Variants in API5 observed in about 807,000 individuals in gnomAD.
The protein encoded by API5 is apoptosis inhibitor 5, also known as FIF.
In API5, 6 loss-of-function variants were observed where a neutral mutation model predicts 71.9. That is an observed-to-expected ratio of 0.08 (90% CI 0.05 to 0.16). The LOEUF is 0.16. Ranked by LOEUF, API5 falls within the 10% of genes least tolerant of loss-of-function variation. The pLI is 1.00. For synonymous variants in API5, 189 were observed against 221.3 expected, an observed-to-expected ratio of 0.85 and a Z score of 1.30; for missense variants, 332 against 612.8, an observed-to-expected ratio of 0.54 and a Z score of 4.84.
At chr11:43,340,509 A>T (rs1230533998) in intron 13 of API5, among the ~76,000 whole-genome samples, 3 of 152,228 alleles carry the variant, frequency 2.0e-5, no homozygotes, top group Non-Finnish European at 4.4e-5. Flanking sequence ...AGCTGGAGTT[A>T]TCACACTACC....
At chr11:43,318,500 C>G in intron 1 of API5, 140 bp from the exon 2 acceptor site, 1 of 1,539,280 alleles carries the variant, frequency 6.5e-7, no homozygotes, top group South Asian at 1.2e-5. Context: ...TCAGTTTGAG[C>G]AGTAAACCTC....
intron 11 of API5, among the ~76,000 whole-genome samples, chr11:43,331,610 C>T (rs540193406): frequency 6.6e-6 from 1 of 152,108 alleles, no homozygotes; most frequent in Non-Finnish European, 1.5e-5. Flanking sequence ...TCAGGGGTAG[C>T]AGGCAAAAGA....
intron 13 of API5, 59 bp downstream of exon 13, chr11:43,336,053 C>T (rs770424840): frequency 6.8e-5 from 107 of 1,581,800 alleles, no homozygotes; most frequent in Middle Eastern, 1.7e-4. Flanking sequence ...TTGTGTTATA[C>T]TTTATTTTAA....
chr11:43,341,226 A>G (rs1239415596), intron 13 of API5, among the ~76,000 whole-genome samples: 1 of 152,148 alleles, frequency 6.6e-6, no homozygotes, highest in Non-Finnish European at 1.5e-5. Context: ...GTAAGTTGGA[A>G]GTTCAGGGAA....
At chr11:43,324,921 C>T (rs1401915091) in intron 6 of API5, among the ~76,000 whole-genome samples, 1 of 151,870 alleles carries the variant, frequency 6.6e-6, no homozygotes, top group Non-Finnish European at 1.5e-5. Context: ...TCAGGCAATC[C>T]ACCTGCCTCA....
At chr11:43,318,251 C>T (rs1481557584) in intron 1 of API5, among the ~76,000 whole-genome samples, 4 of 151,880 alleles carry the variant, frequency 2.6e-5, no homozygotes, top group African/African-American at 9.7e-5. Context: ...TCAGGTGATC[C>T]ACCCACCTTG....
chr11:43,338,539 C>T (rs1414293179), intron 13 of API5, among the ~76,000 whole-genome samples: 1 of 146,720 alleles, frequency 6.8e-6, no homozygotes, highest in South Asian at 2.2e-4. Flanking sequence ...AAGCTTGAAA[C>T]TATTGAAAAG....
intron 13 of API5, among the ~76,000 whole-genome samples, chr11:43,337,662 T>C (rs1016015727): frequency 6.6e-6 from 1 of 152,230 alleles, no homozygotes; most frequent in Admixed American, 6.5e-5. Flanking sequence ...GAAAGGATTC[T>C]CCGTTACTTG....
intron 2 of API5, 143 bp downstream of exon 2, chr11:43,318,944 A>G (rs1854771717): frequency 1.4e-6 from 1 of 723,998 alleles, no homozygotes; most frequent in Admixed American, 3.3e-5. Context: ...CCAGGCTTAA[A>G]TTTACATATG....
At chr11:43,314,468 C>A (rs1471332714) in intron 1 of API5, among the ~76,000 whole-genome samples, 1 of 152,188 alleles carries the variant, frequency 6.6e-6, no homozygotes, top group Non-Finnish European at 1.5e-5. Flanking sequence ...CAGCAAAAAT[C>A]TACTCTTTAT....
chr11:43,324,046 C>T (rs1343178228), intron 6 of API5, among the ~76,000 whole-genome samples: 1 of 152,050 alleles, frequency 6.6e-6, no homozygotes. Context: ...GAGACAGAGT[C>T]TTGCCCTGTC....
At chr11:43,313,321 C>G (rs544046001) in intron 1 of API5, among the ~76,000 whole-genome samples, 1 of 152,096 alleles carries the variant, frequency 6.6e-6, no homozygotes, top group East Asian at 1.9e-4. Context: ...TATGAGTTTT[C>G]AAGTACTGGA....
chr11:43,321,536 G>A (rs747299634), intron 4 of API5, 60 bp downstream of exon 4: 7 of 1,323,174 alleles, frequency 5.3e-6, no homozygotes, highest in Non-Finnish European at 7.5e-6. Flanking sequence ...AAAGTTAGGT[G>A]TTACTCATTA....
chr11:43,343,028 C>T lies in API5; in HGVS notation c.*518C>T, dbSNP rs539215724. The stretch of plus-strand genomic sequence containing the variant: ...TCATAAAAGCAAAATACTTACATAG[C>T]TTTCTTAAAATATAGGAATGACATT... On this transcript the variant is annotated 3_prime_UTR_variant, in exon 14 of 14. Coordinates refer to ENST00000531273, the MANE Select transcript of API5 (RefSeq NM_001142930.2). 2.3e-5 allele frequency: 4 copies of T among 170,904 alleles called. 1 individual carries two copies. The South Asian group carries it at 5.7e-4, about 24-fold the overall frequency. 10.6% of individuals were successfully genotyped at this position (170,904 alleles called of 1,614,324 possible). A position where few individuals can be genotyped will look rare whatever the true frequency, so the allele number is the denominator to read the frequency against.
At chr11:43,330,637 C>T (rs921590696) in intron 11 of API5, 73 bp downstream of exon 11, 16 of 1,214,464 alleles carry the variant, frequency 1.3e-5, no homozygotes, top group Non-Finnish European at 1.8e-5. Context: ...AAAAGTTTTG[C>T]ATAAGATACT....
At chr11:43,327,332 A>G (rs1490940414) in intron 7 of API5, among the ~76,000 whole-genome samples, 1 of 152,392 alleles carries the variant, frequency 6.6e-6, no homozygotes, top group South Asian at 2.1e-4. Context: ...GTAAGTATCC[A>G]GAGACTAAAT....
At chr11:43,325,950 C>CT (rs879917095) in intron 6 of API5, among the ~76,000 whole-genome samples, 4 of 152,154 alleles carry the variant, frequency 2.6e-5, no homozygotes, top group Non-Finnish European at 5.9e-5. Context: ...AGGAAAACGC[C>CT]TAGGAAAGCA....
chr11:43,327,929 C>A, intron 8 of API5, 51 bp downstream of exon 8: 1 of 1,090,934 alleles, frequency 9.2e-7, no homozygotes, highest in Non-Finnish European at 1.3e-6. Context: ...AGCTCAAAGT[C>A]TAATTTATTA....
intron 11 of API5, 107 bp from the exon 12 acceptor site, chr11:43,335,169 CTG>C (rs1855389645): frequency 1.3e-6 from 1 of 773,378 alleles, no homozygotes; most frequent in African/African-American, 1.7e-5. Context: ...GCAGTAAGCT[CTG>C]TCTCCTAAAT....
Sources: gnomAD v4.1 joint callset for allele counts (sites outside exome capture counted in the v4.1 genomes callset) on GRCh38, gnomAD v4.1.1 for gene constraint, MANE v1.5 for transcripts, NCBI Gene and HGNC (gene_info 2026-07-23, HGNC 2026-07-21) for gene names.